Variants in NBAS observed in about 807,000 individuals in gnomAD.
The protein encoded by NBAS is NAG/BC035112 fusion.
In NBAS, 219 loss-of-function variants were observed where a neutral mutation model predicts 302.5. The observed-to-expected ratio is 0.72, with a 90% CI of 0.65 to 0.81. The LOEUF (loss-of-function observed/expected upper bound fraction) is 0.81. Among genes scored for constraint, NBAS ranks in the 30% least tolerant of loss-of-function variants. The pLI is 0.00. For synonymous variants in NBAS, 1,118 were observed against 1,021.6 expected (o/e 1.09, Z -1.80); for missense variants, 2,932 against 2,841.6 (o/e 1.03, Z -0.72).
chr2:15,294,883 T>G (rs1013984721), intron 40 of NBAS, among the ~76,000 whole-genome samples: 9 of 152,304 alleles, frequency 5.9e-5, no homozygotes, highest in Middle Eastern at 3.4e-3. Context: ...ACCTGGTGCT[T>G]TCAGACTGAA....
At chr2:14,842,846 CAAA>C in the NBAS span, among the ~76,000 whole-genome samples, 10 of 74,068 alleles carry the variant, frequency 1.4e-4, no homozygotes, top group African/African-American at 4.1e-4. Flanking sequence ...CAGAAAATGA[CAAA>C]AAAAAAAAAA....
the NBAS span, among the ~76,000 whole-genome samples, chr2:15,053,766 C>T: frequency 1.3e-5 from 2 of 151,952 alleles, no homozygotes; most frequent in African/African-American, 4.8e-5. Context: ...GTAGATGTAC[C>T]ATGTGACTCT....
chr2:15,543,486 A>G (rs1480030044), intron 6 of NBAS, among the ~76,000 whole-genome samples: 4 of 152,166 alleles, frequency 2.6e-5, no homozygotes, highest in Admixed American at 2.6e-4. Context: ...CATGCTGTTG[A>G]TAAGACATAT....
chr2:15,253,014 G>A (rs1369184198), intron 44 of NBAS, among the ~76,000 whole-genome samples: 1 of 152,202 alleles, frequency 6.6e-6, no homozygotes, highest in Admixed American at 6.5e-5. Context: ...GCATCAGCAG[G>A]AGTTCATGTG....
chr2:15,119,316 T>C, the NBAS span, among the ~76,000 whole-genome samples: 2 of 143,594 alleles, frequency 1.4e-5, no homozygotes, highest in African/African-American at 2.7e-5. Flanking sequence ...TTTTTTTTTT[T>C]TTTTTTTTTT....
the NBAS span, among the ~76,000 whole-genome samples, chr2:14,802,200 TA>T: frequency 6.4e-4 from 86 of 133,654 alleles, no homozygotes; most frequent in African/African-American, 2.4e-3. Flanking sequence ...GATTTTTGTA[TA>T]AGGTGTAAGG....
At chr2:15,213,421 C>A (rs955249627) in intron 48 of NBAS, among the ~76,000 whole-genome samples, 1 of 152,328 alleles carries the variant, frequency 6.6e-6, no homozygotes, top group East Asian at 1.9e-4. Flanking sequence ...GCAATGTTTT[C>A]TATTCTGTCA....
intron 44 of NBAS, among the ~76,000 whole-genome samples, chr2:15,249,124 G>A (rs1280262587): frequency 6.6e-6 from 1 of 152,106 alleles, no homozygotes; most frequent in African/African-American, 2.4e-5. Context: ...CCATGATCAA[G>A]TCAGCTTCAT....
chr2:14,848,120 T>A, the NBAS span, among the ~76,000 whole-genome samples: 1 of 151,866 alleles, frequency 6.6e-6, no homozygotes, highest in African/African-American at 2.4e-5. Flanking sequence ...GCTCCCAGCG[T>A]GAGCGACGCA....
At chr2:15,289,974 C>T (rs1353807210) in intron 41 of NBAS, among the ~76,000 whole-genome samples, 2 of 150,618 alleles carry the variant, frequency 1.3e-5, no homozygotes, top group Non-Finnish European at 2.9e-5. Context: ...TCCAGCCTGG[C>T]GCCAGAGCGA....
At chr2:15,381,966 A>T (rs903489715) in intron 29 of NBAS, among the ~76,000 whole-genome samples, 1 of 152,228 alleles carries the variant, frequency 6.6e-6, no homozygotes, top group Non-Finnish European at 1.5e-5. Flanking sequence ...TTTGTGGTAT[A>T]AGAGCAAAGC....
intron 11 of NBAS, among the ~76,000 whole-genome samples, chr2:15,496,323 G>A (rs887896781): frequency 4.6e-5 from 7 of 152,088 alleles, no homozygotes; most frequent in Non-Finnish European, 7.4e-5. Flanking sequence ...TACGAGCTGG[G>A]GAGATGGAGT....
intron 31 of NBAS, among the ~76,000 whole-genome samples, chr2:15,374,153 CCT>C (rs1393668730): frequency 1.3e-5 from 2 of 151,856 alleles, no homozygotes; most frequent in Admixed American, 6.6e-5. Flanking sequence ...CTTATCGTTC[CCT>C]CTTTTAAAAA....
intron 16 of NBAS, among the ~76,000 whole-genome samples, chr2:15,472,991 A>T (rs1680023400): frequency 1.3e-5 from 2 of 152,248 alleles, no homozygotes; most frequent in Admixed American, 1.3e-4. Flanking sequence ...GAGACCAAGT[A>T]GTTAGCTGGT....
At chr2:14,868,008 A>G in the NBAS span, among the ~76,000 whole-genome samples, 8 of 152,176 alleles carry the variant, frequency 5.3e-5, no homozygotes, top group African/African-American at 9.6e-5. Context: ...CACATTCTTT[A>G]TTACTAGACC....
In NBAS at chr2:15,258,623, C is replaced by G. The variant is rs143284746; in HGVS notation, c.5724+16861G>C. Among the ~76,000 whole-genome samples the G allele has an allele frequency of 6.9e-3, 1,056 of 152,234 alleles. 10 individuals carry two copies. The highest frequency in any genetic ancestry group is 0.023 in the African/African-American group (954 of 41,518). The stretch of plus-strand genomic sequence containing the variant: ...GTCTCCTGCAGTACCCTTAGGCTTA[C>G]TAGGATTGGGGAACCTCGCCCTGGT... On this transcript the variant is annotated intron_variant, in intron 44 of 51. Coordinates refer to ENST00000281513, the MANE Select transcript of NBAS (RefSeq NM_015909.4).
chr2:15,019,135 C>A, the NBAS span, among the ~76,000 whole-genome samples: 1 of 152,208 alleles, frequency 6.6e-6, no homozygotes, highest in African/African-American at 2.4e-5. Flanking sequence ...AGACAATTTA[C>A]ATTCACTTTG....
At chr2:15,522,780 T>C (rs770103650) in intron 9 of NBAS, among the ~76,000 whole-genome samples, 17 of 152,240 alleles carry the variant, frequency 1.1e-4, no homozygotes, top group Non-Finnish European at 2.5e-4. Flanking sequence ...GTATAACTTT[T>C]GACTGCCCCA....
At chr2:14,854,053 C>A in the NBAS span, among the ~76,000 whole-genome samples, 2 of 146,124 alleles carry the variant, frequency 1.4e-5, no homozygotes, top group African/African-American at 5.1e-5. Context: ...GCACATGTAC[C>A]CTAAAACTTA....
Sources: gnomAD v4.1 joint callset for allele counts (sites outside exome capture counted in the v4.1 genomes callset) on GRCh38, gnomAD v4.1.1 for gene constraint, MANE v1.5 for transcripts, NCBI Gene and HGNC (gene_info 2026-07-23, HGNC 2026-07-21) for gene names.